Variants in TATDN2 observed in about 807,000 individuals in gnomAD.
TATDN2 encodes 3'-5' RNA nuclease TATDN2.
Under a neutral mutation model 60.3 loss-of-function variants are expected in TATDN2, and 44 were observed. The observed-to-expected ratio is 0.73, with a 90% CI of 0.57 to 0.94. The LOEUF (loss-of-function observed/expected upper bound fraction) is 0.94. Ranked by LOEUF, TATDN2 falls within the 40% of genes least tolerant of loss-of-function variation. The probability of loss-of-function intolerance (pLI) is 0.00; values close to 1 mark genes in which losing one functional copy is unlikely to be tolerated. For synonymous variants in TATDN2, 399 were observed against 355.8 expected, an observed-to-expected ratio of 1.12 and a Z score of -1.37; for missense variants, 997 against 948.0, an observed-to-expected ratio of 1.05 and a Z score of -0.68.
chr3:10,253,220 C>CA (rs1698257279), intron 2 of TATDN2, among the ~76,000 whole-genome samples: 1 of 152,090 alleles, frequency 6.6e-6, no homozygotes, highest in Non-Finnish European at 1.5e-5. Flanking sequence ...AGGCTGGTCT[C>CA]AATCTCCTGG....
chr3:10,271,229 A>C (rs1424220453), intron 4 of TATDN2, among the ~76,000 whole-genome samples: 1 of 152,140 alleles, frequency 6.6e-6, no homozygotes, highest in Non-Finnish European at 1.5e-5. Flanking sequence ...GATGAGGGAG[A>C]AGTACTTTGT....
At chr3:10,253,586 A>G (rs183103661) in intron 2 of TATDN2, among the ~76,000 whole-genome samples, 2 of 152,362 alleles carry the variant, frequency 1.3e-5, no homozygotes, top group Admixed American at 1.3e-4. Flanking sequence ...TATTTTTACT[A>G]TGACATCTAA....
At chr3:10,255,238 T>C (rs1265376177) in intron 2 of TATDN2, among the ~76,000 whole-genome samples, 8 of 151,592 alleles carry the variant, frequency 5.3e-5, no homozygotes, top group Non-Finnish European at 1.2e-4. Context: ...GGTGTTGAAC[T>C]TGTGGGCTCG....
intron 3 of TATDN2, among the ~76,000 whole-genome samples, chr3:10,269,149 C>T (rs1277452933): frequency 6.6e-6 from 1 of 152,042 alleles, no homozygotes. Context: ...AACTGGCACA[C>T]CTACATGTGG....
At chr3:10,259,015 G>A (rs918034354) in intron 2 of TATDN2, among the ~76,000 whole-genome samples, 11 of 152,112 alleles carry the variant, frequency 7.2e-5, no homozygotes, top group African/African-American at 2.2e-4. Flanking sequence ...GATCACAGGC[G>A]TGTGCCACCA....
At chr3:10,256,925 G>C (rs1366110996) in intron 2 of TATDN2, among the ~76,000 whole-genome samples, 1 of 151,860 alleles carries the variant, frequency 6.6e-6, no homozygotes, top group Non-Finnish European at 1.5e-5. Flanking sequence ...GCAGGCAGAA[G>C]AGGGCACTAG....
chr3:10,252,038 C>G (rs918539932), intron 2 of TATDN2, among the ~76,000 whole-genome samples: 3 of 147,980 alleles, frequency 2.0e-5, no homozygotes, highest in African/African-American at 7.5e-5. Flanking sequence ...GTCCCAGCCA[C>G]TTGGGAGGCT....
At chr3:10,256,004 A>G (rs139936893) in intron 2 of TATDN2, among the ~76,000 whole-genome samples, 2 of 151,432 alleles carry the variant, frequency 1.3e-5, no homozygotes, top group African/African-American at 4.9e-5. Flanking sequence ...GAATGACATC[A>G]CCTCCCCATT....
intron 3 of TATDN2, among the ~76,000 whole-genome samples, chr3:10,262,466 A>G (rs1051552710): frequency 1.3e-5 from 2 of 150,330 alleles, no homozygotes; most frequent in Non-Finnish European, 2.9e-5. Flanking sequence ...TTGGTTTTGG[A>G]ATTCCAGGTT....
chr3:10,261,831 C>T (rs889885621), intron 3 of TATDN2, among the ~76,000 whole-genome samples: 13 of 152,206 alleles, frequency 8.5e-5, no homozygotes, highest in African/African-American at 2.2e-4. Context: ...CTTGCTTGGG[C>T]GATGAGAATT....
intron 3 of TATDN2, among the ~76,000 whole-genome samples, chr3:10,261,152 G>T (rs1280384266): frequency 6.6e-6 from 1 of 152,204 alleles, no homozygotes; most frequent in Non-Finnish European, 1.5e-5. Flanking sequence ...CCTGTTAAGA[G>T]CTTGGCTCAA....
chr3:10,250,623 G>T (rs999326073), intron 2 of TATDN2, among the ~76,000 whole-genome samples: 10 of 152,210 alleles, frequency 6.6e-5, no homozygotes, highest in African/African-American at 2.2e-4. Flanking sequence ...GGCTGTATTT[G>T]ACTGTTTGTC....
At chr3:10,273,353 G>T (rs957545361) in intron 4 of TATDN2, among the ~76,000 whole-genome samples, 16 of 152,140 alleles carry the variant, frequency 1.1e-4, no homozygotes, top group Non-Finnish European at 2.2e-4. Context: ...GTGGTGACTG[G>T]CAACTGCACC....
intron 3 of TATDN2, among the ~76,000 whole-genome samples, chr3:10,262,595 G>T (rs1357812271): frequency 7.4e-6 from 1 of 135,848 alleles, no homozygotes; most frequent in Non-Finnish European, 1.5e-5. Flanking sequence ...GAGTGCACTG[G>T]TGTGATCTTG....
At chr3:10,257,066 G>A (rs929372868) in intron 2 of TATDN2, among the ~76,000 whole-genome samples, 18 of 151,484 alleles carry the variant, frequency 1.2e-4, no homozygotes, top group African/African-American at 4.1e-4. Flanking sequence ...AGGCCAAGGC[G>A]GGCAGATCAC....
intron 3 of TATDN2, among the ~76,000 whole-genome samples, chr3:10,264,748 G>C (rs1443407463): frequency 1.3e-5 from 2 of 151,052 alleles, no homozygotes; most frequent in Non-Finnish European, 2.9e-5. Context: ...GCTTGGTCTT[G>C]GTTCACTGCA....
At chr3:10,279,172 T>C (rs370821374) in intron 7 of TATDN2, 49 bp from the exon 8 acceptor site, 12 of 1,150,244 alleles carry the variant, frequency 1.0e-5, no homozygotes, top group South Asian at 1.6e-5. Flanking sequence ...CTGATTTGTT[T>C]TGAGTGACAT....
chr3:10,255,514 A>C (rs972241372), intron 2 of TATDN2, among the ~76,000 whole-genome samples: 3 of 151,002 alleles, frequency 2.0e-5, no homozygotes, highest in Non-Finnish European at 1.5e-5. Context: ...TTATACTCCT[A>C]ATTTTTTTTT....
At chr3:10,272,705 C>T (rs894782423) in intron 4 of TATDN2, among the ~76,000 whole-genome samples, 3 of 151,966 alleles carry the variant, frequency 2.0e-5, no homozygotes, top group Non-Finnish European at 2.9e-5. Context: ...GCCTGGCCAA[C>T]GTGGCGAAAC....
Sources: gnomAD v4.1 joint callset for allele counts (sites outside exome capture counted in the v4.1 genomes callset) on GRCh38, gnomAD v4.1.1 for gene constraint, MANE v1.5 for transcripts, NCBI Gene and HGNC (gene_info 2026-07-23, HGNC 2026-07-21) for gene names.